Variants in FBXL17 observed in about 807,000 individuals in gnomAD.
FBXL17 encodes F-box and leucine rich repeat protein 17, also known as F-box/LRR-repeat protein 17.
Under a neutral mutation model 66.2 loss-of-function variants are expected in FBXL17, and 22 were observed. The ratio of observed to expected loss-of-function variants is 0.33; its 90% CI spans 0.24 to 0.47. FBXL17 has a LOEUF of 0.47. Ranked by LOEUF, FBXL17 falls within the 20% of genes least tolerant of loss-of-function variation. The probability of loss-of-function intolerance (pLI) is 1.00; values close to 1 mark genes in which losing one functional copy is unlikely to be tolerated. For synonymous variants in FBXL17, 474 were observed against 400.5 expected, an observed-to-expected ratio of 1.18 and a Z score of -2.19; for missense variants, 878 against 948.2, an observed-to-expected ratio of 0.93 and a Z score of 0.97.
At chr5:108,151,812 G>A (rs896694928) in intron 6 of FBXL17, among the ~76,000 whole-genome samples, 6 of 152,138 alleles carry the variant, frequency 3.9e-5, no homozygotes, top group Admixed American at 6.5e-5. Flanking sequence ...TGATCGACAC[G>A]CATTAATGGT....
At chr5:108,099,599 G>C (rs1368660885) in intron 6 of FBXL17, among the ~76,000 whole-genome samples, 1 of 152,090 alleles carries the variant, frequency 6.6e-6, no homozygotes, top group African/African-American at 2.4e-5. Context: ...GTTCATGTTT[G>C]TACAGATTTT....
intron 6 of FBXL17, among the ~76,000 whole-genome samples, chr5:108,058,609 C>A (rs1209085465): frequency 1.3e-5 from 2 of 152,006 alleles, no homozygotes; most frequent in African/African-American, 4.8e-5. Flanking sequence ...CTCAGCCTCC[C>A]GAGTAGTTGG....
At chr5:108,008,133 A>G (rs930907041) in intron 7 of FBXL17, among the ~76,000 whole-genome samples, 1 of 152,222 alleles carries the variant, frequency 6.6e-6, no homozygotes, top group African/African-American at 2.4e-5. Flanking sequence ...ACTGGTAAGT[A>G]CAAGCATCAA....
At chr5:108,246,163 T>C (rs530809982) in intron 4 of FBXL17, among the ~76,000 whole-genome samples, 3 of 152,032 alleles carry the variant, frequency 2.0e-5, no homozygotes, top group South Asian at 2.1e-4. Flanking sequence ...AGCACAAATC[T>C]CTCCCCCCTC....
intron 6 of FBXL17, among the ~76,000 whole-genome samples, chr5:108,111,388 G>A (rs1750027298): frequency 6.6e-6 from 1 of 152,022 alleles, no homozygotes; most frequent in Non-Finnish European, 1.5e-5. Context: ...TTTTGGAATT[G>A]TCAATAAATA....
rs1265557482 is a variant in FBXL17, at chr5:107,942,569, T to G, written c.1823-61390A>C. On this transcript the variant is annotated intron_variant, in intron 7 of 8. Coordinates refer to ENST00000542267, the MANE Select transcript of FBXL17 (RefSeq NM_001163315.3). ...ACTTCCAAGGGAGAGAACCAGGACA[T>G]TTGGCTGGAGCTTTTTCCACTTAAC... Among the ~76,000 whole-genome samples the G allele has an allele frequency of 2.0e-5, 3 of 152,148 alleles. No individual in the cohort carries two copies. The East Asian group carries it at 5.8e-4, about 29-fold the overall frequency.
intron 7 of FBXL17, among the ~76,000 whole-genome samples, chr5:107,922,782 T>C (rs915163312): frequency 6.6e-6 from 1 of 152,136 alleles, no homozygotes; most frequent in Non-Finnish European, 1.5e-5. Context: ...TCAATCTCAA[T>C]TACCCAAAAG....
At position 108,032,485 on chromosome 5, in the gene FBXL17, T is replaced by C. The variant is rs80049815; in HGVS notation, c.1746-11484A>G. ...GATTTTGAGATGGAGAGATTTTATC[T>C]TGGATTATCTGGGTGGGCTGTAAAT... On this transcript the variant is annotated intron_variant, in intron 6 of 8. Transcript: ENST00000542267. Among the ~76,000 whole-genome samples, 736 of 152,198 alleles carry C rather than the reference T, an allele frequency of 4.8e-3. 4 individuals carry two copies. The highest frequency in any genetic ancestry group is 0.017 in the African/African-American group (713 of 41,538).
At chr5:107,965,992 C>G (rs1014038940) in intron 7 of FBXL17, among the ~76,000 whole-genome samples, 1 of 152,008 alleles carries the variant, frequency 6.6e-6, no homozygotes, top group Non-Finnish European at 1.5e-5. Flanking sequence ...CTGACTAAAA[C>G]AAACAAAAGG....
chr5:108,193,853 T>A (rs1452911646), intron 5 of FBXL17, among the ~76,000 whole-genome samples: 1 of 152,132 alleles, frequency 6.6e-6, no homozygotes, highest in African/African-American at 2.4e-5. Flanking sequence ...TGGGCTTTTG[T>A]CTCTTTGCAT....
At chr5:107,879,388 T>C in intron 8 of FBXL17, 16 of 985,440 alleles carry the variant, frequency 1.6e-5, no homozygotes, top group Non-Finnish European at 1.9e-5. Context: ...GAAGTCATTT[T>C]AAAGTGGCAG....
chr5:107,979,439 C>G (rs571920530), intron 7 of FBXL17, among the ~76,000 whole-genome samples: 1 of 152,284 alleles, frequency 6.6e-6, no homozygotes, highest in Non-Finnish European at 1.5e-5. Context: ...CATCCACCTA[C>G]CCATTAGTGC....
intron 7 of FBXL17, among the ~76,000 whole-genome samples, chr5:107,901,857 C>T (rs554947381): frequency 5.3e-5 from 8 of 152,258 alleles, no homozygotes; most frequent in Admixed American, 2.0e-4. Context: ...AAATGCCCTC[C>T]GTGAAAGTGG....
intron 5 of FBXL17, among the ~76,000 whole-genome samples, 157 bp from the exon 6 acceptor site, chr5:108,186,404 T>C (rs1260751778): frequency 6.6e-6 from 1 of 152,176 alleles, no homozygotes; most frequent in Non-Finnish European, 1.5e-5. Flanking sequence ...TATGTAATAT[T>C]TTATACACTA....
intron 8 of FBXL17, chr5:107,880,768 G>T: frequency 7.6e-7 from 1 of 1,310,896 alleles, no homozygotes; most frequent in Non-Finnish European, 9.7e-7. Flanking sequence ...TGAATAGGAT[G>T]CCAAACTCTA....
intron 4 of FBXL17, among the ~76,000 whole-genome samples, chr5:108,251,242 C>A (rs572717974): frequency 8.6e-5 from 13 of 151,958 alleles, no homozygotes; most frequent in Non-Finnish European, 1.9e-4. Context: ...CCTGCCATCA[C>A]CAGAAATTAT....
At chr5:108,255,419 T>C (rs1335237851) in intron 4 of FBXL17, among the ~76,000 whole-genome samples, 1 of 152,214 alleles carries the variant, frequency 6.6e-6, no homozygotes, top group Non-Finnish European at 1.5e-5. Context: ...CCCTACATTT[T>C]GACCAATTCA....
intron 6 of FBXL17, among the ~76,000 whole-genome samples, chr5:108,158,949 T>C (rs995486132): frequency 1.3e-5 from 2 of 152,170 alleles, no homozygotes; most frequent in African/African-American, 4.8e-5. Context: ...GAGATAAATA[T>C]AGCTATGGAG....
rs1360117199 is a variant in FBXL17 at position 107,861,036 on chromosome 5, C to A, written c.*684G>T. ...ATAATGTATAATTAACTTTCGTGAGCTGGCCAGGAGAGTTCAGACTGTTGC... is the reference window on the plus strand; with the variant it reads ...ATAATGTATAATTAACTTTCGTGAGATGGCCAGGAGAGTTCAGACTGTTGC... On this transcript the variant is annotated 3_prime_UTR_variant, in exon 9 of 9. Coordinates refer to ENST00000542267, the MANE Select transcript of FBXL17 (RefSeq NM_001163315.3). 6.6e-6 allele frequency: 1 copy of A among 152,202 alleles called. No individual in the cohort carries two copies. Among genetic ancestry groups the A allele is most frequent in the Non-Finnish European group, 1.5e-5 (1 of 68,036 alleles). 9.4% of individuals were successfully genotyped at this position (152,202 alleles called of 1,614,324 possible). A position where few individuals can be genotyped will look rare whatever the true frequency, so the allele number is the denominator to read the frequency against.
Sources: gnomAD v4.1 joint callset for allele counts (sites outside exome capture counted in the v4.1 genomes callset) on GRCh38, gnomAD v4.1.1 for gene constraint, MANE v1.5 for transcripts, NCBI Gene and HGNC (gene_info 2026-07-23, HGNC 2026-07-21) for gene names.